The following TENM3 variants were observed in gnomAD, a reference collection of about 807,000 sequenced individuals.
TENM3 encodes teneurin transmembrane protein 3.
In TENM3, 63 loss-of-function variants were observed where a neutral mutation model predicts 255.1. The observed-to-expected ratio is 0.25, with a 90% CI of 0.20 to 0.30. The LOEUF (loss-of-function observed/expected upper bound fraction) is 0.30. Among genes scored for constraint, TENM3 ranks in the 10% least tolerant of loss-of-function variants. TENM3 has a pLI of 1.00. For synonymous variants in TENM3, 1,306 were observed against 1,322.3 expected (o/e 0.99, Z 0.27); for missense variants, 2,929 against 3,461.1 (o/e 0.85, Z 3.86).
the TENM3 span, among the ~76,000 whole-genome samples, chr4:181,485,716 A>C: frequency 6.6e-6 from 1 of 152,216 alleles, no homozygotes. Flanking sequence ...TGCTGCATTG[A>C]TGCCTAATAT....
chr4:182,369,141 G>C (rs779275750), intron 3 of TENM3, among the ~76,000 whole-genome samples: 27 of 152,290 alleles, frequency 1.8e-4, no homozygotes, highest in Non-Finnish European at 3.1e-4. Context: ...TGTTGTTACT[G>C]TTCTTCAGAA....
At chr4:182,354,635 T>C (rs540945597) in intron 3 of TENM3, among the ~76,000 whole-genome samples, 1 of 152,360 alleles carries the variant, frequency 6.6e-6, no homozygotes, top group South Asian at 2.1e-4. Context: ...TTGTACATTA[T>C]TTACTGAATG....
the TENM3 span, among the ~76,000 whole-genome samples, chr4:181,984,585 T>C: frequency 6.6e-6 from 1 of 151,974 alleles, no homozygotes; most frequent in Non-Finnish European, 1.5e-5. Flanking sequence ...AAAAAAAGCC[T>C]TTTGCAAAGG....
chr4:182,069,168 T>C, the TENM3 span, among the ~76,000 whole-genome samples: 2 of 152,154 alleles, frequency 1.3e-5, no homozygotes, highest in African/African-American at 2.4e-5. Flanking sequence ...AAGTAAAAAC[T>C]GAATTTAAAG....
At chr4:182,191,345 C>T (rs1200275780) in intron 1 of TENM3, among the ~76,000 whole-genome samples, 1 of 152,126 alleles carries the variant, frequency 6.6e-6, no homozygotes, top group Middle Eastern at 3.2e-3. Flanking sequence ...CTGTGTGCCT[C>T]CCACTCTTTG....
the TENM3 span, among the ~76,000 whole-genome samples, chr4:181,671,139 G>T: frequency 1.1e-4 from 16 of 152,288 alleles, no homozygotes; most frequent in East Asian, 3.1e-3. Context: ...AGCTCTGAGA[G>T]TTGCCTAATA....
At position 182,284,204 on chromosome 4, in the gene TENM3, A is replaced by C. The variant is rs1421344734; in HGVS notation, c.-75-39742A>C. Among the ~76,000 whole-genome samples, 5 of 152,178 alleles carry C rather than the reference A, an allele frequency of 3.3e-5. No homozygotes were observed. The East Asian group carries it at 9.6e-4, about 29-fold the overall frequency. ...CTGCCTCTCTCCTCTGACTGGTATC[A>C]CTTTCAGATGAAAACGAGTGCATGA... is the stretch of plus-strand genomic sequence containing the variant. On this transcript the variant is annotated intron_variant, in intron 1 of 27. Transcript: ENST00000511685.
At chr4:182,125,783 TA>T in the TENM3 span, among the ~76,000 whole-genome samples, 1 of 138,668 alleles carries the variant, frequency 7.2e-6, no homozygotes. Context: ...TTTTTTTTTT[TA>T]AAGATAGAAG....
the TENM3 span, among the ~76,000 whole-genome samples, chr4:181,492,026 T>C: frequency 6.6e-6 from 1 of 152,202 alleles, no homozygotes; most frequent in East Asian, 1.9e-4. Flanking sequence ...CGCCGTTTCT[T>C]CTTAGTAGTA....
chr4:182,633,003 C>T (rs1751521871), intron 5 of TENM3, among the ~76,000 whole-genome samples: 1 of 152,268 alleles, frequency 6.6e-6, no homozygotes, highest in South Asian at 2.1e-4. Context: ...AGTCACAGCT[C>T]ACTGCAGCCT....
At chr4:182,609,044 G>A (rs970764788) in intron 4 of TENM3, among the ~76,000 whole-genome samples, 3 of 152,226 alleles carry the variant, frequency 2.0e-5, no homozygotes, top group Non-Finnish European at 2.9e-5. Context: ...CAGGCTGGTG[G>A]GACCTCAGTG....
chr4:181,907,953 T>C, the TENM3 span, among the ~76,000 whole-genome samples: 1 of 152,214 alleles, frequency 6.6e-6, no homozygotes, highest in Admixed American at 6.5e-5. Context: ...GTTTATATTG[T>C]CTATTTCTTG....
chr4:182,151,739 A>G (rs72693849), intron 1 of TENM3, among the ~76,000 whole-genome samples: 13,539 of 152,070 alleles, frequency 0.089, 741 homozygotes, highest in Non-Finnish European at 0.12. Context: ...TTCTCTATTT[A>G]TAAGCAAAAA....
chr4:181,539,658 G>A, the TENM3 span, among the ~76,000 whole-genome samples: 1 of 152,216 alleles, frequency 6.6e-6, no homozygotes, highest in East Asian at 1.9e-4. Context: ...CTTAGAAGTA[G>A]GCAAATAATT....
At chr4:181,751,624 C>CT in the TENM3 span, among the ~76,000 whole-genome samples, 3 of 151,494 alleles carry the variant, frequency 2.0e-5, no homozygotes, top group African/African-American at 4.8e-5. Context: ...GTACAACAGC[C>CT]TAAGGGAAGC....
chr4:182,045,535 A>T, the TENM3 span, among the ~76,000 whole-genome samples: 3 of 152,088 alleles, frequency 2.0e-5, no homozygotes, highest in Non-Finnish European at 2.9e-5. Flanking sequence ...TTAAGGGTGA[A>T]TTGAAGTTGA....
At chr4:181,881,654 G>T in the TENM3 span, among the ~76,000 whole-genome samples, 4 of 152,062 alleles carry the variant, frequency 2.6e-5, no homozygotes, top group African/African-American at 9.7e-5. Context: ...TATTAAAACT[G>T]TCACAAGTCA....
the TENM3 span, among the ~76,000 whole-genome samples, chr4:181,597,674 C>T: frequency 6.6e-6 from 1 of 152,130 alleles, no homozygotes; most frequent in Non-Finnish European, 1.5e-5. Context: ...CAAAGGTTCC[C>T]TCAATAAATC....
the TENM3 span, among the ~76,000 whole-genome samples, chr4:181,466,443 G>A: frequency 6.6e-6 from 1 of 151,990 alleles, no homozygotes; most frequent in Non-Finnish European, 1.5e-5. Flanking sequence ...GTTGTCCTAA[G>A]GAAACTATAT....
Sources: allele counts gnomAD v4.1 joint callset (sites outside exome capture counted in the v4.1 genomes callset), GRCh38; gene constraint gnomAD v4.1.1; transcripts MANE v1.5; gene names NCBI Gene and HGNC (gene_info 2026-07-23, HGNC 2026-07-21).